LRRN1: variants seen among roughly 807,000 people sequenced by gnomAD.
LRRN1 encodes leucine-rich repeat neuronal protein 1.
Under a neutral mutation model 45.8 loss-of-function variants are expected in LRRN1, and 14 were observed. The observed-to-expected ratio is 0.31, with a 90% CI of 0.20 to 0.48. The LOEUF (loss-of-function observed/expected upper bound fraction) is 0.48. Ranked by LOEUF, LRRN1 falls within the 20% of genes least tolerant of loss-of-function variation. The pLI is 0.99. For missense variants in LRRN1, 789 were observed against 874.2 expected, an observed-to-expected ratio of 0.90 and a Z score of 1.23; for synonymous variants, 359 against 330.1, an observed-to-expected ratio of 1.09 and a Z score of -0.95.
rs1301330459 is a variant in LRRN1 at position 3,848,824 on chromosome 3, C to A, written c.*2032C>A. 1.3e-5 allele frequency among the ~76,000 whole-genome samples: 2 copies of A among 152,048 alleles called. No homozygotes were observed. Among genetic ancestry groups the A allele is most frequent in the Non-Finnish European group, 2.9e-5 (2 of 68,008 alleles). ...AGCCTGTTAGGTTCCTGTGCAGGGC[C>A]CCTCTTTTGCAGTTCTGAATAACCT... On this transcript the variant is annotated 3_prime_UTR_variant, in exon 2 of 2. Coordinates refer to ENST00000319331, the MANE Select transcript of LRRN1 (RefSeq NM_020873.7).
chr3:3,845,040 G>C lies in LRRN1; in HGVS notation c.399G>C (p.Glu133Asp). 1 of 1,614,142 alleles carries C rather than the reference G, an allele frequency of 6.2e-7. No homozygotes were observed. Among genetic ancestry groups the C allele is most frequent in the Non-Finnish European group, 8.5e-7 (1 of 1,180,032 alleles). Residue 133 changes from glutamate to aspartate, a missense_variant, in exon 2 of 2, where the codon GAG (glutamate) becomes GAC (aspartate). Glu to Asp is a conservative substitution (Grantham distance 45). Coordinates refer to ENST00000319331, the MANE Select transcript of LRRN1 (RefSeq NM_020873.7). The surrounding 1 kb of genome is among the most constrained non-coding windows in gnomAD (Gnocchi z 6.5). ...ATTTGGAGGAAAATCAGATTACCGA[G>C]ATGACTGATTACTGTCTACAAGACC... ...TLHLEENQIT[E>D]MTDYCLQDLS...
At chr3:3,842,094 GGGCAATTGTAACACAAT>G (rs1423454645) in intron 1 of LRRN1, among the ~76,000 whole-genome samples, 2 of 152,030 alleles carry the variant, frequency 1.3e-5, no homozygotes, top group African/African-American at 4.8e-5. Flanking sequence ...TGAAGTCAAT[GGGCAATTGTAACACAAT>G]GGCAAGTATT....
intron 1 of LRRN1, among the ~76,000 whole-genome samples, chr3:3,823,456 CAGG>C (rs766121700): frequency 4.5e-4 from 69 of 151,802 alleles, no homozygotes; most frequent in Non-Finnish European, 8.7e-4. Context: ...AGATAATTTT[CAGG>C]AGATTGTTTT....
intron 1 of LRRN1, among the ~76,000 whole-genome samples, chr3:3,823,775 AT>A (rs1005837861): frequency 7.3e-4 from 111 of 151,808 alleles, no homozygotes; most frequent in Non-Finnish European, 1.2e-3. Context: ...TTTCTTTTTA[AT>A]TTTTTTTTAA....
At chr3:3,813,893 A>T (rs1018817444) in intron 1 of LRRN1, among the ~76,000 whole-genome samples, 1 of 151,968 alleles carries the variant, frequency 6.6e-6, no homozygotes, top group Non-Finnish European at 1.5e-5. Flanking sequence ...ATTCAAATGG[A>T]AACTCACCCC....
intron 1 of LRRN1, among the ~76,000 whole-genome samples, chr3:3,830,153 C>G (rs1277992037): frequency 6.6e-6 from 1 of 152,132 alleles, no homozygotes; most frequent in African/African-American, 2.4e-5. Flanking sequence ...CGGAATGGGT[C>G]ATCCTATCCA....
At chr3:3,808,831 TG>T (rs771975167) in intron 1 of LRRN1, among the ~76,000 whole-genome samples, 14 of 152,238 alleles carry the variant, frequency 9.2e-5, no homozygotes, top group Non-Finnish European at 1.8e-4. Flanking sequence ...AAATCTAGTT[TG>T]GTATTTTTAT....
intron 1 of LRRN1, among the ~76,000 whole-genome samples, chr3:3,831,916 T>G (rs1014105591): frequency 6.6e-6 from 1 of 152,110 alleles, no homozygotes; most frequent in Non-Finnish European, 1.5e-5. Context: ...TATATTGCTG[T>G]CCTTGCCAGC....
rs781433812 is a variant in LRRN1, at chr3:3,845,945, T to C, written c.1304T>C (p.Leu435Ser). 1 of 1,614,078 alleles carries C rather than the reference T, an allele frequency of 6.2e-7. No individual in the cohort carries two copies. The highest frequency in any genetic ancestry group is 8.5e-7 in the Non-Finnish European group (1 of 1,179,992). ...MISHDSFPNR[L>S]NVDIGTTVFL... is the part of the protein sequence containing the mutation. ...TCTCACGACAGCTTCCCAAATCGTT[T>C]AAACGTGGATATCGGCACGACGGTT... Residue 435 changes from leucine to serine, a missense_variant, in exon 2 of 2, where the codon TTA (leucine) becomes TCA (serine). Leu to Ser is a moderately radical substitution (Grantham distance 145). Transcript: ENST00000319331. The surrounding 1 kb of genome is among the most constrained non-coding windows in gnomAD (Gnocchi z 6.5).
In LRRN1 at chr3:3,847,296, G is replaced by C. The variant is rs897194250; in HGVS notation, c.*504G>C. 1 of 167,000 alleles carries C rather than the reference G, an allele frequency of 6.0e-6. No individual in the cohort carries two copies. Among genetic ancestry groups the C allele is most frequent in the African/African-American group, 2.4e-5 (1 of 41,384 alleles). The allele number at this position is 167,000 out of a possible 1,614,324, so 10.3% of individuals were successfully genotyped here. On this transcript the variant is annotated 3_prime_UTR_variant, in exon 2 of 2. Coordinates refer to ENST00000319331, the MANE Select transcript of LRRN1 (RefSeq NM_020873.7). ...AGCTAAGGCTAGACTTGTTACCTTC[G>C]TTGAATGATGTTAGTTGACTGTACT...
intron 1 of LRRN1, among the ~76,000 whole-genome samples, chr3:3,812,324 G>C (rs1213436459): frequency 6.6e-6 from 1 of 152,204 alleles, no homozygotes; most frequent in Non-Finnish European, 1.5e-5. Context: ...CCTTCTAAGA[G>C]AAGACCTTCC....
chr3:3,847,802 G>A lies in LRRN1; in HGVS notation c.*1010G>A, dbSNP rs145423533. On this transcript the variant is annotated 3_prime_UTR_variant, in exon 2 of 2. Coordinates refer to ENST00000319331, the MANE Select transcript of LRRN1 (RefSeq NM_020873.7). ...TCTATTTTAATTAAGATATTTTAAT[G>A]AACAGGATTTCTGTATTTTAAATAG... 6.4e-3 allele frequency: 1,058 copies of A among 166,290 alleles called. 7 individuals are homozygous for A. Among genetic ancestry groups the A allele is most frequent in the Non-Finnish European group, 0.01 (696 of 68,084 alleles). 10.3% of individuals were successfully genotyped at this position (166,290 alleles called of 1,614,324 possible).
chr3:3,841,249 C>G (rs1693646296), intron 1 of LRRN1, among the ~76,000 whole-genome samples: 1 of 148,634 alleles, frequency 6.7e-6, no homozygotes, highest in Admixed American at 6.7e-5. Context: ...CGAGATCGCA[C>G]CACTGCACTC....
chr3:3,814,854 C>T (rs1039013880), intron 1 of LRRN1, among the ~76,000 whole-genome samples: 1 of 152,150 alleles, frequency 6.6e-6, no homozygotes, highest in Non-Finnish European at 1.5e-5. Flanking sequence ...TTGGACTTCC[C>T]AGCCTCCAGA....
At chr3:3,807,561 CCTCAAGGTCTTATTT>C (rs1339049537) in intron 1 of LRRN1, among the ~76,000 whole-genome samples, 5 of 152,100 alleles carry the variant, frequency 3.3e-5, no homozygotes, top group Non-Finnish European at 5.9e-5. Context: ...GAGAACCTTC[CCTCAAGGTCTTATTT>C]CTGGTTTCTC....
chr3:3,836,005 A>T (rs1001755591), intron 1 of LRRN1, among the ~76,000 whole-genome samples: 4 of 152,186 alleles, frequency 2.6e-5, no homozygotes, highest in Non-Finnish European at 5.9e-5. Context: ...TTCTTTGTGG[A>T]ACATCACCCT....
chr3:3,831,188 G>A (rs563761789), intron 1 of LRRN1, among the ~76,000 whole-genome samples: 83 of 152,304 alleles, frequency 5.4e-4, no homozygotes, highest in Middle Eastern at 3.4e-3. Context: ...ACACCCCAAC[G>A]AGGAATGTGT....
rs370638158 is a variant in LRRN1, at chr3:3,831,187, C to T, written c.-278-13177C>T. On this transcript the variant is annotated intron_variant, in intron 1 of 1. Coordinates refer to ENST00000319331, the MANE Select transcript of LRRN1 (RefSeq NM_020873.7). ...AATGGGCCGGAGTAACACACCCCAA[C>T]GAGGAATGTGTTGCCTCCAAGATCC... is the stretch of plus-strand genomic sequence containing the variant. Among the ~76,000 whole-genome samples the T allele has an allele frequency of 9.6e-4, 146 of 152,340 alleles. No homozygotes were observed. The South Asian group carries it at 0.014, about 14-fold the overall frequency.
chr3:3,828,454 C>T (rs1466825366), intron 1 of LRRN1, among the ~76,000 whole-genome samples: 1 of 151,878 alleles, frequency 6.6e-6, no homozygotes, highest in African/African-American at 2.4e-5. Context: ...TCTGCCTTCC[C>T]ACTGACTCAA....
Sources: gnomAD v4.1 joint callset for allele counts (sites outside exome capture counted in the v4.1 genomes callset) on GRCh38, gnomAD v4.1.1 for gene constraint, Gnocchi (gnomAD v3.1) non-coding constraint, MANE v1.5 for transcripts, NCBI Gene and HGNC (gene_info 2026-07-23, HGNC 2026-07-21) for gene names.